The following GTF2A1L variants were observed in gnomAD, a reference collection of about 807,000 sequenced individuals.
The protein encoded by GTF2A1L is general transcription factor IIA subunit 1 like, also known as TFIIA-alpha and beta-like factor.
A neutral mutation model predicts 49.7 loss-of-function variants in GTF2A1L; 48 were observed. The observed-to-expected ratio is 0.97, with a 90% confidence interval of 0.77 to 1.23. The LOEUF is 1.23. GTF2A1L is among the 50% of genes most tolerant of loss of function. The probability of loss-of-function intolerance (pLI) is 0.00; values close to 1 mark genes in which losing one functional copy is unlikely to be tolerated. For synonymous variants in GTF2A1L, 246 were observed against 193.5 expected (o/e 1.27, Z -2.25); for missense variants, 736 against 564.8 (o/e 1.30, Z -3.07).
In GTF2A1L at chr2:48,629,013, G is replaced by A. The variant is rs1187567717; in HGVS notation, c.247+7723G>A. Among the ~76,000 whole-genome samples, 7 of 143,468 alleles carry A rather than the reference G, an allele frequency of 4.9e-5. 1 individual carries two copies. Among genetic ancestry groups the A allele is most frequent in the Non-Finnish European group, 7.8e-5 (5 of 63,732 alleles). The allele number at this position is 143,468 out of a possible 152,430, so 94.1% of individuals were successfully genotyped here. On this transcript the variant is annotated intron_variant, in intron 3 of 8. Coordinates refer to ENST00000403751, the MANE Select transcript of GTF2A1L (RefSeq NM_006872.5). ...AATCCCAGCACTTTGGGAGGCCGAGGTGGGCGGATCATGAGGACAGGAGTT... is the reference window on the plus strand; with the variant it reads ...AATCCCAGCACTTTGGGAGGCCGAGATGGGCGGATCATGAGGACAGGAGTT...
intron 3 of GTF2A1L, among the ~76,000 whole-genome samples, chr2:48,624,459 T>TATAGATAGATAG (rs3077611): frequency 5.8e-5 from 8 of 138,770 alleles, no homozygotes; most frequent in African/African-American, 2.0e-4. Context: ...AGTGCTTTGA[T>TATAGATAGATAG]ATAGATAGAT....
At chr2:48,635,328 G>A (rs1676826313) in intron 3 of GTF2A1L, among the ~76,000 whole-genome samples, 1 of 152,184 alleles carries the variant, frequency 6.6e-6, no homozygotes, top group Admixed American at 6.5e-5. Context: ...ACATCTGCCT[G>A]GGCATGGAGT....
In GTF2A1L at chr2:48,646,669, C is replaced by G. The variant is rs757683766; in HGVS notation, c.605C>G (p.Ser202Cys). Reference sequence around the variant, plus strand: ...CTACAGCAACCCGCAATTCTACCTTCTGGGCCAGTAGATAGGAAACACTTA... The same window carrying G: ...CTACAGCAACCCGCAATTCTACCTTGTGGGCCAGTAGATAGGAAACACTTA... ...TVLQQPAILP[S>C]GPVDRKHLEN... The change falls in exon 6 of 9, where the codon TCT becomes TGT. Residue 202 changes from serine (S) to cysteine (C), a missense_variant. By Grantham distance (112) the Ser-to-Cys change is moderately radical. Coordinates refer to ENST00000403751, the MANE Select transcript of GTF2A1L (RefSeq NM_006872.5). 13 of 1,614,000 alleles carry G rather than the reference C, an allele frequency of 8.1e-6. No homozygotes were observed. The South Asian group carries it at 1.3e-4, about 16-fold the overall frequency.
intron 1 of GTF2A1L, among the ~76,000 whole-genome samples, chr2:48,620,082 A>C (rs1675896671): frequency 6.6e-6 from 1 of 152,116 alleles, no homozygotes; most frequent in Non-Finnish European, 1.5e-5. Context: ...TCTGGCTTGG[A>C]GTTTATTTAT....
Position 48,656,359 on chromosome 2 carries a change from T to TG in GTF2A1L, c.978+9317_978+9318insG, listed in dbSNP as rs1379940962. ...AACGCTTATTTTCTGTTTTTTTTTT[T>TG]TTTTTTTTTTTTTTTTTTAATAATT... On this transcript the variant is annotated intron_variant, in intron 6 of 8. Coordinates refer to ENST00000403751, the MANE Select transcript of GTF2A1L (RefSeq NM_006872.5). Among the ~76,000 whole-genome samples the TG allele has an allele frequency of 2.7e-3, 127 of 47,354 alleles. 1 individual carries two copies. Among genetic ancestry groups the TG allele is most frequent in the Non-Finnish European group, 2.8e-3 (47 of 16,772 alleles). The allele number at this position is 47,354 out of a possible 152,430, so 31.1% of individuals were successfully genotyped here. A position where few individuals can be genotyped will look rare whatever the true frequency, so the allele number is the denominator to read the frequency against.
intron 6 of GTF2A1L, among the ~76,000 whole-genome samples, chr2:48,654,331 T>C (rs1211719371): frequency 1.3e-5 from 2 of 152,194 alleles, no homozygotes; most frequent in Admixed American, 1.3e-4. Flanking sequence ...TGTATAGTTA[T>C]AGTTTTGTCA....
In GTF2A1L at chr2:48,621,657, G is replaced by A. The variant is rs17037477; in HGVS notation, c.247+367G>A. Reference sequence around the variant, plus strand: ...AAGGTGAGTGCTTGCAAGTTTGTGTGTTCTCTTTCTCTTATTTTTTGTGTA... The same window carrying A: ...AAGGTGAGTGCTTGCAAGTTTGTGTATTCTCTTTCTCTTATTTTTTGTGTA... On this transcript the variant is annotated intron_variant, in intron 3 of 8. Transcript: ENST00000403751. 7.0e-3 allele frequency among the ~76,000 whole-genome samples: 1,071 copies of A among 152,202 alleles called. 12 individuals carry two copies. The highest frequency in any genetic ancestry group is 0.025 in the African/African-American group (1,025 of 41,520).
intron 5 of GTF2A1L, among the ~76,000 whole-genome samples, chr2:48,645,743 G>T (rs1677461197): frequency 6.6e-6 from 1 of 152,058 alleles, no homozygotes; most frequent in African/African-American, 2.4e-5. Context: ...CCGCCTCCTG[G>T]GTTCACGCCA....
intron 2 of GTF2A1L, 55 bp downstream of exon 2, chr2:48,621,007 CA>C: frequency 6.4e-7 from 1 of 1,558,810 alleles, no homozygotes. Context: ...TTTCAGCATA[CA>C]AAACTGATAT....
rs1056089855 is a variant in GTF2A1L at position 48,625,385 on chromosome 2, T to A, written c.247+4095T>A. On this transcript the variant is annotated intron_variant, in intron 3 of 8. Coordinates refer to ENST00000403751, the MANE Select transcript of GTF2A1L (RefSeq NM_006872.5). Reference sequence around the variant, plus strand: ...TTTGGAAAAAGATCTATTCAAGTCCTTTGCCAATTTTTGAAAAGGTTATTT... The same window carrying A: ...TTTGGAAAAAGATCTATTCAAGTCCATTGCCAATTTTTGAAAAGGTTATTT... 1.7e-4 allele frequency among the ~76,000 whole-genome samples: 24 copies of A among 144,180 alleles called. 5 individuals are homozygous for A. The highest frequency in any genetic ancestry group is 3.3e-4 in the Non-Finnish European group (21 of 64,012). 94.6% of individuals were successfully genotyped at this position (144,180 alleles called of 152,430 possible).
intron 6 of GTF2A1L, among the ~76,000 whole-genome samples, chr2:48,666,586 T>A (rs560208349): frequency 1.5e-5 from 2 of 131,668 alleles, no homozygotes; most frequent in African/African-American, 7.7e-5. Flanking sequence ...CTTGTCAGGG[T>A]GTGTGTGTGT....
intron 8 of GTF2A1L, among the ~76,000 whole-genome samples, chr2:48,677,978 G>GGT (rs5830998): frequency 0.11 from 15,935 of 147,886 alleles, 1,185 homozygotes; most frequent in African/African-American, 0.22. Flanking sequence ...CTCTGAGATG[G>GGT]GTGTGTGTGT....
intron 3 of GTF2A1L, among the ~76,000 whole-genome samples, chr2:48,626,626 G>C (rs1676306635): frequency 7.0e-6 from 1 of 143,574 alleles, no homozygotes; most frequent in Non-Finnish European, 1.6e-5. Context: ...AGGCTGGAGT[G>C]CAGTGGCACA....
intron 8 of GTF2A1L, among the ~76,000 whole-genome samples, chr2:48,672,646 A>C (rs925539110): frequency 3.9e-5 from 6 of 152,322 alleles, no homozygotes; most frequent in African/African-American, 1.4e-4. Context: ...AGATTATGTT[A>C]GTAGCAGTCT....
intron 8 of GTF2A1L, among the ~76,000 whole-genome samples, chr2:48,675,096 G>T (rs1470844060): frequency 1.3e-5 from 2 of 152,112 alleles, no homozygotes; most frequent in African/African-American, 4.8e-5. Flanking sequence ...GTTTCAAATA[G>T]TATTGAATGT....
intron 3 of GTF2A1L, among the ~76,000 whole-genome samples, chr2:48,622,448 A>C (rs1676055514): frequency 6.6e-6 from 1 of 152,108 alleles, no homozygotes; most frequent in Admixed American, 6.5e-5. Context: ...CTGTTTAAAT[A>C]ACATTCCTTT....
rs893591917 is a variant in GTF2A1L, at chr2:48,622,383, G to T, written c.247+1093G>T. Among the ~76,000 whole-genome samples the T allele has an allele frequency of 1.2e-4, 18 of 152,254 alleles. 1 individual carries two copies. Among genetic ancestry groups the T allele is most frequent in the Admixed American group, 8.5e-4 (13 of 15,274 alleles). On this transcript the variant is annotated intron_variant, in intron 3 of 8. Transcript: ENST00000403751. ...ACATTGAAACATTTTTCATCAGTTG[G>T]GTTTTTGGCTATGCTTTAATTTTAA...
intron 6 of GTF2A1L, among the ~76,000 whole-genome samples, chr2:48,657,561 C>T (rs1678250824): frequency 6.6e-6 from 1 of 152,134 alleles, no homozygotes; most frequent in South Asian, 2.1e-4. Flanking sequence ...CTTCAATAAA[C>T]ATAAGAGTGC....
At chr2:48,663,044 A>G (rs1230370592) in intron 6 of GTF2A1L, among the ~76,000 whole-genome samples, 1 of 152,142 alleles carries the variant, frequency 6.6e-6, no homozygotes, top group East Asian at 1.9e-4. Context: ...AAACCTGTAC[A>G]TATACCCCTG....
Sources: gnomAD v4.1 joint callset for allele counts (sites outside exome capture counted in the v4.1 genomes callset) on GRCh38, gnomAD v4.1.1 for gene constraint, MANE v1.5 for transcripts, NCBI Gene and HGNC (gene_info 2026-07-23, HGNC 2026-07-21) for gene names.